The following IRF8 variants were observed in gnomAD, a reference collection of about 807,000 sequenced individuals.
IRF8 encodes interferon consensus sequence binding protein 1.
Under a neutral mutation model 48.7 loss-of-function variants are expected in IRF8, and 14 were observed. That is an observed-to-expected ratio of 0.29 (90% confidence interval 0.19 to 0.45). The LOEUF is 0.45. Among genes scored for constraint, IRF8 ranks in the 20% least tolerant of loss-of-function variants. The pLI is 1.00. For missense variants in IRF8, 493 were observed against 580.7 expected, an observed-to-expected ratio of 0.85 and a Z score of 1.55; for synonymous variants, 278 against 227.3, an observed-to-expected ratio of 1.22 and a Z score of -2.01.
chr16:85,913,148 C>T lies in IRF8; in HGVS notation c.465C>T (p.Tyr155=). Residue 155 remains tyrosine (Y), a synonymous_variant, in exon 5 of 9, where the codon TAC becomes TAT. Transcript: ENST00000268638. ...ELIKEPSVDD[Y]MGMIKRSPSP... is the part of the protein sequence containing the mutation. ...CTGTGCAGCCTTCTGTGGACGATTA[C>T]ATGGGGATGATCAAAAGGAGCCCTT... The T allele has an allele frequency of 6.2e-7, 1 of 1,614,032 alleles. No individual in the cohort carries two copies. Among genetic ancestry groups the T allele is most frequent in the Non-Finnish European group, 8.5e-7 (1 of 1,179,890 alleles).
At chr16:85,916,044 G>T (rs1485467798) in intron 6 of IRF8, among the ~76,000 whole-genome samples, 1 of 152,172 alleles carries the variant, frequency 6.6e-6, no homozygotes, top group African/African-American at 2.4e-5. Context: ...CACAGCACCT[G>T]ATATGAGCTG....
chr16:85,916,582 C>A lies in IRF8; in HGVS notation c.602-1835C>A, dbSNP rs117880542. Reference sequence around the variant, plus strand: ...GTGTGTGGTCACTAAGACACTCCTGCTTAGGCGTCTCTGAAGCACTTAGCT... The same window carrying A: ...GTGTGTGGTCACTAAGACACTCCTGATTAGGCGTCTCTGAAGCACTTAGCT... On this transcript the variant is annotated intron_variant, in intron 6 of 8. Coordinates refer to ENST00000268638, the MANE Select transcript of IRF8 (RefSeq NM_002163.4). Among the ~76,000 whole-genome samples the A allele has an allele frequency of 2.9e-4, 44 of 152,308 alleles. No individual in the cohort carries two copies. The East Asian group carries it at 7.5e-3, about 26-fold the overall frequency.
At chr16:85,910,691 A>G (rs1177477730) in intron 3 of IRF8, among the ~76,000 whole-genome samples, 1 of 152,182 alleles carries the variant, frequency 6.6e-6, no homozygotes, top group African/African-American at 2.4e-5. Flanking sequence ...TAGCATTTGC[A>G]TAATTGCCTA....
At chr16:85,903,314 C>A in intron 2 of IRF8, 125 bp downstream of exon 2, 1 of 953,336 alleles carries the variant, frequency 1.0e-6, no homozygotes, top group Non-Finnish European at 1.6e-6. Context: ...TAAAAGCAAA[C>A]ATTGGTTCAG....
At chr16:85,902,055 A>G (rs536821853) in intron 1 of IRF8, among the ~76,000 whole-genome samples, 2 of 150,804 alleles carry the variant, frequency 1.3e-5, no homozygotes, top group Admixed American at 6.6e-5. Context: ...GCTGTTGGGG[A>G]AGCTGTCTGC....
intron 1 of IRF8, chr16:85,902,575 G>A (rs1904858899): frequency 3.9e-6 from 1 of 255,114 alleles, no homozygotes; most frequent in Non-Finnish European, 7.7e-6. Context: ...TGTGGGGCCA[G>A]CTGGGCATCT....
In IRF8 at chr16:85,921,400, G is replaced by C; in HGVS notation, c.*118G>C. On this transcript the variant is annotated 3_prime_UTR_variant, in exon 9 of 9. Coordinates refer to ENST00000268638, the MANE Select transcript of IRF8 (RefSeq NM_002163.4). Reference sequence around the variant, plus strand: ...TGTCTGGGGTGGGATGCCTTACTTTGCACTTAATTTAATAAGGGCATTCTC... The same window carrying C: ...TGTCTGGGGTGGGATGCCTTACTTTCCACTTAATTTAATAAGGGCATTCTC... 1 of 1,111,754 alleles carries C rather than the reference G, an allele frequency of 9.0e-7. No homozygotes were observed. Among genetic ancestry groups the C allele is most frequent in the East Asian group, 2.4e-5 (1 of 42,114 alleles). 68.9% of individuals were successfully genotyped at this position (1,111,754 alleles called of 1,614,324 possible).
intron 5 of IRF8, among the ~76,000 whole-genome samples, chr16:85,913,735 C>A (rs1295572306): frequency 6.6e-6 from 1 of 152,218 alleles, no homozygotes; most frequent in Non-Finnish European, 1.5e-5. Flanking sequence ...TTGAATCCCA[C>A]GCTGGGAAGT....
At chr16:85,913,289 G>T (rs963378300) in intron 5 of IRF8, 53 bp downstream of exon 5, 2 of 1,277,210 alleles carry the variant, frequency 1.6e-6, no homozygotes, top group South Asian at 2.4e-5. Context: ...AGGGTTTACG[G>T]CATTCCACCA....
chr16:85,899,711 G>C (rs2152097427), intron 1 of IRF8, among the ~76,000 whole-genome samples: 1 of 152,280 alleles, frequency 6.6e-6, no homozygotes, highest in African/African-American at 2.4e-5. Flanking sequence ...AGTCAATTAA[G>C]ATTTCTGAGT....
At chr16:85,902,667 A>G (rs897571817) in intron 1 of IRF8, 30 of 340,328 alleles carry the variant, frequency 8.8e-5, no homozygotes, top group African/African-American at 6.4e-4. Context: ...CTCTCCTTCC[A>G]GTCTTGGGCT....
chr16:85,899,938 A>T (rs1377288833), intron 1 of IRF8, among the ~76,000 whole-genome samples: 1 of 152,172 alleles, frequency 6.6e-6, no homozygotes, highest in Non-Finnish European at 1.5e-5. Context: ...TAGAGACTGA[A>T]TTTTCCAGAA....
intron 7 of IRF8, 38 bp from the exon 8 acceptor site, chr16:85,920,071 G>A (rs778845181): frequency 1.2e-5 from 18 of 1,493,338 alleles, no homozygotes; most frequent in Admixed American, 1.7e-5. Flanking sequence ...GGTCATCTCG[G>A]CCTTGCTTGC....
At position 85,911,677 on chromosome 16, in the gene IRF8, T is replaced by A. The variant is rs1905148473; in HGVS notation, c.447+19T>A. On this transcript the variant is annotated intron_variant, in intron 4 of 8. Coordinates refer to ENST00000268638, the MANE Select transcript of IRF8 (RefSeq NM_002163.4). ...CAAGGAGGTAAGCAGAGGCAGCATT[T>A]CAGGGGTCTGGCCCTGCCAGGAGGA... 1 of 1,606,398 alleles carries A rather than the reference T, an allele frequency of 6.2e-7. No individual in the cohort carries two copies. Among genetic ancestry groups the A allele is most frequent in the Admixed American group, 1.7e-5 (1 of 59,968 alleles).
intron 2 of IRF8, among the ~76,000 whole-genome samples, chr16:85,908,051 A>C (rs1905053479): frequency 6.6e-6 from 1 of 152,046 alleles, no homozygotes; most frequent in Admixed American, 6.5e-5. Flanking sequence ...TACAGCTGGC[A>C]TTTAATCCCA....
rs937616382 is a variant in IRF8 at position 85,921,579 on chromosome 16, C to T, written c.*297C>T. 24 of 405,632 alleles carry T rather than the reference C, an allele frequency of 5.9e-5. No homozygotes were observed. Among genetic ancestry groups the T allele is most frequent in the East Asian group, 1.1e-4 (2 of 19,036 alleles). The allele number at this position is 405,632 out of a possible 1,614,324, so 25.1% of individuals were successfully genotyped here. A position where few individuals can be genotyped will look rare whatever the true frequency, so the allele number is the denominator to read the frequency against. ...GTTGCTATGATTCTTTCTGCATTTT[C>T]GGTTAACTATCATTTCCAAAGACTT... On this transcript the variant is annotated 3_prime_UTR_variant, in exon 9 of 9. Transcript: ENST00000268638.
chr16:85,919,650 G>T (rs764651992), intron 7 of IRF8, among the ~76,000 whole-genome samples: 2 of 152,218 alleles, frequency 1.3e-5, no homozygotes, highest in African/African-American at 2.4e-5. Context: ...GGTCTGAGGC[G>T]GGGCCCAAGA....
chr16:85,919,134 G>T (rs1331768504), intron 7 of IRF8, among the ~76,000 whole-genome samples: 61 of 152,268 alleles, frequency 4.0e-4, no homozygotes, highest in Non-Finnish European at 1.5e-5. Context: ...GCGCTGGCTA[G>T]AGACACAGAG....
chr16:85,907,035 C>G (rs925543922), intron 2 of IRF8, among the ~76,000 whole-genome samples: 4 of 152,122 alleles, frequency 2.6e-5, no homozygotes, highest in African/African-American at 7.2e-5. Flanking sequence ...GCAACAAAAC[C>G]CAAATTAATG....
Sources: allele counts gnomAD v4.1 joint callset (sites outside exome capture counted in the v4.1 genomes callset), GRCh38; gene constraint gnomAD v4.1.1; transcripts MANE v1.5; gene names NCBI Gene and HGNC (gene_info 2026-07-23, HGNC 2026-07-21).